Variants in AKAP10 observed in about 807,000 individuals in gnomAD.
The protein encoded by AKAP10 is A-kinase anchor protein 10, mitochondrial.
AKAP10 carries 24 observed loss-of-function variants against 80.8 expected under a neutral mutation model. That is an observed-to-expected ratio of 0.30 (90% confidence interval 0.22 to 0.42). The LOEUF is 0.42. AKAP10 is among the 10% of genes least tolerant of loss of function. The pLI is 1.00. For missense variants in AKAP10, 661 were observed against 794.9 expected (o/e 0.83, Z 2.03); for synonymous variants, 291 against 277.7 (o/e 1.05, Z -0.48).
At chr17:19,946,273 ATATTTTTTTTTTTT>A (rs2043128152) in intron 5 of AKAP10, among the ~76,000 whole-genome samples, 2 of 19,808 alleles carry the variant, frequency 1.0e-4, no homozygotes, top group Non-Finnish European at 1.7e-4. Flanking sequence ...ATATATATAT[ATATTTTTTTTTTTT>A]TTTTTTTTTT....
At chr17:19,973,492 T>G (rs2043525559) in intron 1 of AKAP10, among the ~76,000 whole-genome samples, 1 of 152,234 alleles carries the variant, frequency 6.6e-6, no homozygotes, top group Non-Finnish European at 1.5e-5. Context: ...ACTAGCATCA[T>G]TTACAGATCA....
chr17:19,940,699 T>C (rs1386617835), intron 7 of AKAP10, among the ~76,000 whole-genome samples, 188 bp downstream of exon 7: 1 of 152,378 alleles, frequency 6.6e-6, no homozygotes, highest in African/African-American at 2.4e-5. Context: ...ATTTAATACA[T>C]TGAATTTTCA....
intron 1 of AKAP10, among the ~76,000 whole-genome samples, chr17:19,973,152 G>T (rs531130434): frequency 2.0e-5 from 3 of 152,030 alleles, no homozygotes; most frequent in Non-Finnish European, 4.4e-5. Flanking sequence ...GCTATTTTTT[G>T]TATTTTTAGT....
intron 4 of AKAP10, 149 bp downstream of exon 4, chr17:19,957,865 C>T: frequency 1.2e-6 from 1 of 816,814 alleles, no homozygotes; most frequent in South Asian, 1.8e-5. Context: ...TCTGACTCTA[C>T]TACACTCTCC....
intron 11 of AKAP10, among the ~76,000 whole-genome samples, chr17:19,920,884 AAG>A (rs2042805020): frequency 2.1e-5 from 3 of 140,630 alleles, no homozygotes; most frequent in African/African-American, 7.9e-5. Flanking sequence ...AAAAAAAAAA[AAG>A]CAAAAAATAC....
In AKAP10 at chr17:19,921,408, G is replaced by A. The variant is rs918543772; in HGVS notation, c.1752-1290C>T. 9.5e-4 allele frequency among the ~76,000 whole-genome samples: 144 copies of A among 151,932 alleles called. 1 individual carries two copies. Among genetic ancestry groups the A allele is most frequent in the Non-Finnish European group, 1.2e-3 (81 of 67,940 alleles). ...CTCGATCTCTTGATCTGCCCGCCTC[G>A]GCCTCCCAAAGTGCTGGGATTACAG... On this transcript the variant is annotated intron_variant, in intron 11 of 14. Transcript: ENST00000225737.
At chr17:19,965,247 T>C (rs545865204) in intron 2 of AKAP10, among the ~76,000 whole-genome samples, 1 of 152,374 alleles carries the variant, frequency 6.6e-6, no homozygotes, top group South Asian at 2.1e-4. Flanking sequence ...TTCACTGTTA[T>C]CTGTTTACTT....
chr17:19,906,863 T>C (rs1423591262), intron 14 of AKAP10, among the ~76,000 whole-genome samples: 1 of 152,206 alleles, frequency 6.6e-6, no homozygotes, highest in African/African-American at 2.4e-5. Context: ...AATCATGGAA[T>C]GAGGATTAGA....
At chr17:19,924,921 T>C (rs901510989) in intron 10 of AKAP10, among the ~76,000 whole-genome samples, 1 of 151,948 alleles carries the variant, frequency 6.6e-6, no homozygotes, top group Admixed American at 6.5e-5. Context: ...CCCAGCACTT[T>C]GGGAGGCTGA....
chr17:19,957,421 A>G (rs1302614277), intron 4 of AKAP10, among the ~76,000 whole-genome samples: 1 of 152,092 alleles, frequency 6.6e-6, no homozygotes, highest in East Asian at 1.9e-4. Flanking sequence ...AGGCGCCTGT[A>G]GTCCCAGCTA....
At chr17:19,921,048 T>A (rs908101174) in intron 11 of AKAP10, among the ~76,000 whole-genome samples, 1 of 147,040 alleles carries the variant, frequency 6.8e-6, no homozygotes, top group Non-Finnish European at 1.5e-5. Flanking sequence ...ACAGAAATAA[T>A]GTGAAAAAGA....
intron 2 of AKAP10, 61 bp from the exon 3 acceptor site, chr17:19,963,083 A>C: frequency 2.9e-6 from 4 of 1,386,728 alleles, no homozygotes; most frequent in African/African-American, 1.5e-5. Flanking sequence ...AAACTCTCAT[A>C]AAGGGGCTTT....
intron 8 of AKAP10, among the ~76,000 whole-genome samples, chr17:19,939,216 A>T (rs1394193353): frequency 6.6e-6 from 1 of 152,192 alleles, no homozygotes; most frequent in Admixed American, 6.5e-5. Flanking sequence ...GCCTGAGCAG[A>T]TTTATACAGA....
chr17:19,914,081 C>T (rs1380100516), intron 12 of AKAP10, among the ~76,000 whole-genome samples: 1 of 152,172 alleles, frequency 6.6e-6, no homozygotes, highest in Non-Finnish European at 1.5e-5. Context: ...CTCACCGTCG[C>T]CTCAACCTCC....
At position 19,946,035 on chromosome 17, in the gene AKAP10, T is replaced by C. The variant is rs866740029; in HGVS notation, c.976+1372A>G. ...ATCAGCATACACATACATACATGTA[T>C]ATATAATGAAAACATTTTTCTGAAA... On this transcript the variant is annotated intron_variant, in intron 5 of 14. Transcript: ENST00000225737. Among the ~76,000 whole-genome samples, 42 of 148,420 alleles carry C rather than the reference T, an allele frequency of 2.8e-4. No homozygotes were observed. In the Middle Eastern group the frequency reaches 0.01, roughly 37 times the overall value.
At chr17:19,954,921 T>TA (rs557915365) in intron 4 of AKAP10, among the ~76,000 whole-genome samples, 3,247 of 146,144 alleles carry the variant, frequency 0.022, 40 homozygotes, top group Non-Finnish European at 0.033. Context: ...AATGTAAATT[T>TA]AAAAAAAAAA....
chr17:19,937,330 T>C (rs1303946545), intron 8 of AKAP10, among the ~76,000 whole-genome samples: 3 of 152,046 alleles, frequency 2.0e-5, no homozygotes, highest in Non-Finnish European at 4.4e-5. Flanking sequence ...GGTGAAACCC[T>C]GTCTCTACTA....
chr17:19,947,691 A>G (rs187201356), intron 4 of AKAP10, among the ~76,000 whole-genome samples, 186 bp from the exon 5 acceptor site: 4 of 152,320 alleles, frequency 2.6e-5, no homozygotes, highest in Admixed American at 2.0e-4. Context: ...GTTCAAAGCT[A>G]TGGAAAATGC....
intron 5 of AKAP10, among the ~76,000 whole-genome samples, chr17:19,946,520 G>A (rs1347951058): frequency 6.7e-6 from 1 of 150,092 alleles, no homozygotes; most frequent in Non-Finnish European, 1.5e-5. Flanking sequence ...AAGTTAAAAT[G>A]AGTCTATCCA....
Sources: allele counts gnomAD v4.1 joint callset (sites outside exome capture counted in the v4.1 genomes callset), GRCh38; gene constraint gnomAD v4.1.1; transcripts MANE v1.5; gene names NCBI Gene and HGNC (gene_info 2026-07-23, HGNC 2026-07-21).